C3orf20: variants seen among roughly 807,000 people sequenced by gnomAD.
The protein encoded by C3orf20 is family with sequence similarity 149 member C, also known as uncharacterized protein C3orf20.
Under a neutral mutation model 88.3 loss-of-function variants are expected in C3orf20, and 76 were observed. The ratio of observed to expected loss-of-function variants is 0.86; its 90% CI spans 0.72 to 1.04. C3orf20 has a LOEUF of 1.04. Ranked by LOEUF, C3orf20 falls within the 50% of genes least tolerant of loss-of-function variation. C3orf20 has a pLI of 0.00. For missense variants in C3orf20, 1,056 were observed against 1,123.3 expected, an observed-to-expected ratio of 0.94 and a Z score of 0.86; for synonymous variants, 436 against 437.4, an observed-to-expected ratio of 1.00 and a Z score of 0.04.
chr3:14,725,691 C>T (rs1162771526), intron 10 of C3orf20, among the ~76,000 whole-genome samples: 2 of 152,084 alleles, frequency 1.3e-5, no homozygotes, highest in Admixed American at 6.5e-5. Context: ...AAGAAGGACT[C>T]GTGGGCTGAC....
intron 4 of C3orf20, among the ~76,000 whole-genome samples, chr3:14,686,341 A>G (rs1439843023): frequency 2.0e-5 from 3 of 152,150 alleles, no homozygotes; most frequent in African/African-American, 4.8e-5. Context: ...TTTTCTTTGG[A>G]TAAATACCCA....
Position 14,759,937 on chromosome 3 carries a change from C to A in C3orf20, c.2291C>A (p.Pro764His). Residue 764 changes from proline to histidine, a missense_variant, in exon 14 of 17, where the codon CCC (proline) becomes CAC (histidine). Transcript: ENST00000253697. The part of the protein sequence containing the change: ...YRLLQYDLDS[P>H]LQEDPPLMVK... ...CTGCTGCAGTATGACCTGGACAGCC[C>A]CCTGCAGGAGGACCCTCCCCTGATG... is the stretch of plus-strand genomic sequence containing the variant. 2 of 1,614,124 alleles carry A rather than the reference C, an allele frequency of 1.2e-6. No homozygotes were observed. The highest frequency in any genetic ancestry group is 8.5e-7 in the Non-Finnish European group (1 of 1,180,010).
intron 12 of C3orf20, among the ~76,000 whole-genome samples, chr3:14,737,430 G>A (rs1471148470): frequency 6.6e-6 from 1 of 152,042 alleles, no homozygotes; most frequent in Non-Finnish European, 1.5e-5. Flanking sequence ...AAATTTTTTG[G>A]TTTTCCAGTA....
intron 5 of C3orf20, among the ~76,000 whole-genome samples, chr3:14,693,042 A>C (rs1041662698): frequency 3.3e-5 from 5 of 152,000 alleles, no homozygotes; most frequent in Non-Finnish European, 2.9e-5. Context: ...AGACGTATAG[A>C]TTTATTTTGG....
intron 9 of C3orf20, among the ~76,000 whole-genome samples, chr3:14,717,147 C>A (rs1367657855): frequency 6.6e-6 from 1 of 152,216 alleles, no homozygotes; most frequent in East Asian, 1.9e-4. Flanking sequence ...CTTTCAGCTT[C>A]TCTGAGTCTC....
chr3:14,756,364 G>A (rs1332989231), intron 12 of C3orf20, among the ~76,000 whole-genome samples: 1 of 151,998 alleles, frequency 6.6e-6, no homozygotes. Flanking sequence ...TTGAATCTCT[G>A]TTGAATCTTT....
chr3:14,730,928 G>T (rs1030229090), intron 12 of C3orf20, among the ~76,000 whole-genome samples: 9 of 152,174 alleles, frequency 5.9e-5, no homozygotes, highest in African/African-American at 1.4e-4. Context: ...ACCCTCCATT[G>T]TTTGTTGACC....
chr3:14,714,276 A>G, intron 8 of C3orf20, 117 bp downstream of exon 8: 1 of 1,164,694 alleles, frequency 8.6e-7, no homozygotes. Context: ...GTGTCCAGAG[A>G]TCTAGTAAGG....
chr3:14,718,863 G>A (rs2034037265), intron 9 of C3orf20, among the ~76,000 whole-genome samples: 1 of 152,222 alleles, frequency 6.6e-6, no homozygotes, highest in African/African-American at 2.4e-5. Flanking sequence ...GACAGGGACA[G>A]TTTATATACA....
At chr3:14,726,593 C>G (rs1364298680) in intron 10 of C3orf20, among the ~76,000 whole-genome samples, 1 of 152,266 alleles carries the variant, frequency 6.6e-6, no homozygotes, top group Admixed American at 6.5e-5. Context: ...GGCTCAAACA[C>G]AGCTGTCACT....
chr3:14,745,540 G>A (rs997171622), intron 12 of C3orf20, among the ~76,000 whole-genome samples: 1 of 151,992 alleles, frequency 6.6e-6, no homozygotes, highest in Non-Finnish European at 1.5e-5. Flanking sequence ...TCTGTGATTA[G>A]CCCAATCCTT....
intron 4 of C3orf20, among the ~76,000 whole-genome samples, chr3:14,685,218 A>G (rs2032331759): frequency 6.6e-6 from 1 of 152,212 alleles, no homozygotes; most frequent in South Asian, 2.1e-4. Flanking sequence ...TAAGGAAAAA[A>G]AAGAGGAAGC....
chr3:14,767,803 G>A (rs1308447165), intron 15 of C3orf20, among the ~76,000 whole-genome samples: 1 of 152,230 alleles, frequency 6.6e-6, no homozygotes, highest in African/African-American at 2.4e-5. Context: ...TCACGGGCCT[G>A]CTCTCCAGAA....
intron 12 of C3orf20, among the ~76,000 whole-genome samples, chr3:14,743,659 T>C (rs2034979907): frequency 6.6e-6 from 1 of 152,060 alleles, no homozygotes; most frequent in Non-Finnish European, 1.5e-5. Flanking sequence ...CAGCAAACTT[T>C]TGCCTGAGCA....
intron 15 of C3orf20, chr3:14,767,403 G>A (rs2035743770): frequency 6.6e-6 from 1 of 152,350 alleles, no homozygotes; most frequent in African/African-American, 2.4e-5. Context: ...GCCAGGGTAG[G>A]GAGGTGCCCT....
chr3:14,703,844 C>T (rs1357290573), intron 6 of C3orf20, among the ~76,000 whole-genome samples: 1 of 152,220 alleles, frequency 6.6e-6, no homozygotes, highest in Non-Finnish European at 1.5e-5. Flanking sequence ...TAGCAATTTA[C>T]TCAACATTTC....
Position 14,757,401 on chromosome 3 carries a change from C to T in C3orf20, c.1971C>T (p.Thr657=), listed in dbSNP as rs763265761. The T allele has an allele frequency of 3.1e-6, 5 of 1,611,690 alleles. No homozygotes were observed. The East Asian group carries it at 1.1e-4, about 36-fold the overall frequency. ...AGGCCCGCGAGGGGCGCAGCCCCACCAGGTGGGCGGCCTTGCCCTCAGACT... is the reference window on the plus strand; with the variant it reads ...AGGCCCGCGAGGGGCGCAGCCCCACTAGGTGGGCGGCCTTGCCCTCAGACT... The part of the protein sequence containing the change: ...RGKAREGRSP[T]RWAALPSDCP... The change falls in exon 13 of 17, where the codon ACC becomes ACT. Residue 657 remains threonine, a synonymous_variant. Transcript: ENST00000253697.
intron 12 of C3orf20, among the ~76,000 whole-genome samples, chr3:14,741,993 T>G (rs2034912888): frequency 6.6e-6 from 1 of 152,208 alleles, no homozygotes; most frequent in Admixed American, 6.5e-5. Context: ...GCATGTCTGA[T>G]GGAAAGCTGC....
intron 1 of C3orf20, among the ~76,000 whole-genome samples, chr3:14,679,882 AAAG>A (rs2031993327): frequency 1.3e-5 from 2 of 152,254 alleles, no homozygotes; most frequent in Non-Finnish European, 2.9e-5. Context: ...TTTCTCAAAA[AAAG>A]ATATAAAATG....
Sources: gnomAD v4.1 joint callset for allele counts (sites outside exome capture counted in the v4.1 genomes callset) on GRCh38, gnomAD v4.1.1 for gene constraint, MANE v1.5 for transcripts, NCBI Gene and HGNC (gene_info 2026-07-23, HGNC 2026-07-21) for gene names.